The following SUGCT variants were observed in gnomAD, a reference collection of about 807,000 sequenced individuals.
SUGCT encodes the protein succinyl-CoA:glutarate CoA-transferase.
Under a neutral mutation model 55.0 loss-of-function variants are expected in SUGCT, and 41 were observed. The ratio of observed to expected loss-of-function variants is 0.74; its 90% CI spans 0.58 to 0.97. SUGCT has a LOEUF of 0.97. SUGCT is among the 50% of genes least tolerant of loss of function. The pLI is 0.00. For missense variants in SUGCT, 568 were observed against 547.8 expected (o/e 1.04, Z -0.37); for synonymous variants, 187 against 200.4 (o/e 0.93, Z 0.56).
At chr7:40,454,081 A>T (rs1230268325) in intron 10 of SUGCT, among the ~76,000 whole-genome samples, 1 of 152,178 alleles carries the variant, frequency 6.6e-6, no homozygotes, top group East Asian at 1.9e-4. Flanking sequence ...TTAAAGATAG[A>T]TCAATAGAAA....
chr7:40,652,344 A>G (rs1178081269), intron 12 of SUGCT, among the ~76,000 whole-genome samples: 2 of 152,198 alleles, frequency 1.3e-5, no homozygotes, highest in Admixed American at 6.5e-5. Flanking sequence ...TATCAACAGA[A>G]CAACTTACTC....
intron 9 of SUGCT, among the ~76,000 whole-genome samples, chr7:40,340,060 C>T (rs573304856): frequency 7.2e-4 from 110 of 152,162 alleles, no homozygotes; most frequent in Non-Finnish European, 1.3e-3. Context: ...ATTCCTGGAC[C>T]CTAGGTTAAG....
chr7:40,506,108 G>A (rs371748844), intron 12 of SUGCT, among the ~76,000 whole-genome samples: 4 of 152,048 alleles, frequency 2.6e-5, no homozygotes, highest in African/African-American at 9.7e-5. Context: ...TGTGTGCATG[G>A]ATTCAGTGTG....
At chr7:40,178,544 T>G (rs1460119423) in intron 1 of SUGCT, among the ~76,000 whole-genome samples, 1 of 152,032 alleles carries the variant, frequency 6.6e-6, no homozygotes, top group East Asian at 1.9e-4. Context: ...CCTCAGAATT[T>G]TAAGGGTTTT....
chr7:40,826,586 C>A (rs1211748156), intron 13 of SUGCT, among the ~76,000 whole-genome samples: 1 of 152,134 alleles, frequency 6.6e-6, no homozygotes, highest in African/African-American at 2.4e-5. Flanking sequence ...CAACCAAAGC[C>A]CAGGCTTGCC....
chr7:40,995,374 TA>T, the SUGCT span, among the ~76,000 whole-genome samples: 3,014 of 122,752 alleles, frequency 0.025, 94 homozygotes, highest in African/African-American at 0.088. Flanking sequence ...TGGTATCCTA[TA>T]ATAGCTGTTA....
chr7:40,584,521 A>C (rs951050009), intron 12 of SUGCT, among the ~76,000 whole-genome samples: 1 of 152,218 alleles, frequency 6.6e-6, no homozygotes, highest in Admixed American at 6.5e-5. Flanking sequence ...GGAAAAGACC[A>C]GATAATAGTT....
chr7:40,155,122 T>C (rs1783818024), intron 1 of SUGCT, among the ~76,000 whole-genome samples: 1 of 151,950 alleles, frequency 6.6e-6, no homozygotes, highest in Non-Finnish European at 1.5e-5. Flanking sequence ...CCGTCTCTAC[T>C]AAAAATAAAA....
intron 13 of SUGCT, among the ~76,000 whole-genome samples, chr7:40,761,083 G>A (rs1188765102): frequency 2.0e-5 from 3 of 152,112 alleles, no homozygotes; most frequent in South Asian, 2.1e-4. Flanking sequence ...TCATCCTTTC[G>A]TTTAACAAAT....
downstream of SUGCT, among the ~76,000 whole-genome samples, chr7:40,861,210 C>G (rs1358177719): frequency 2.0e-5 from 3 of 152,152 alleles, no homozygotes; most frequent in Admixed American, 6.5e-5. Flanking sequence ...CACTTGGTAC[C>G]TTATTTTGAG....
chr7:40,196,779 A>G (rs550348088), intron 6 of SUGCT, among the ~76,000 whole-genome samples: 1 of 152,186 alleles, frequency 6.6e-6, no homozygotes, highest in Non-Finnish European at 1.5e-5. Context: ...TGATTGTGTT[A>G]TTCTATTCCC....
the SUGCT span, among the ~76,000 whole-genome samples, chr7:41,035,045 C>T: frequency 6.6e-6 from 1 of 152,178 alleles, no homozygotes; most frequent in African/African-American, 2.4e-5. Flanking sequence ...TGGCCTTTGT[C>T]CCCAGCGGTG....
At chr7:40,831,697 G>A (rs1161529494) in intron 13 of SUGCT, among the ~76,000 whole-genome samples, 1 of 152,168 alleles carries the variant, frequency 6.6e-6, no homozygotes, top group Non-Finnish European at 1.5e-5. Flanking sequence ...ATAACCTTGA[G>A]TTCCGACTGT....
intron 7 of SUGCT, among the ~76,000 whole-genome samples, chr7:40,267,996 C>G (rs553788306): frequency 6.6e-6 from 1 of 152,166 alleles, no homozygotes; most frequent in South Asian, 2.1e-4. Flanking sequence ...AGAATTTTTA[C>G]TAAATACATG....
the SUGCT span, among the ~76,000 whole-genome samples, chr7:40,890,147 C>A: frequency 1.3e-5 from 2 of 148,910 alleles, no homozygotes; most frequent in African/African-American, 4.9e-5. Flanking sequence ...GAGAGGTAAG[C>A]CTAAGAGTGT....
chr7:40,172,206 A>T (rs941087269), intron 1 of SUGCT, among the ~76,000 whole-genome samples: 3 of 152,164 alleles, frequency 2.0e-5, no homozygotes, highest in African/African-American at 7.2e-5. Context: ...CTGGCCAAGG[A>T]GCCGAGGCTT....
chr7:40,954,303 G>A, the SUGCT span, among the ~76,000 whole-genome samples: 2 of 152,188 alleles, frequency 1.3e-5, no homozygotes, highest in Admixed American at 1.3e-4. Context: ...CATTGGAAAA[G>A]CACCATATTA....
rs1790100964 is a variant in SUGCT at position 40,466,194 on chromosome 7, AC to A, written c.986+6997del. On this transcript the variant is annotated intron_variant, in intron 11 of 13. Coordinates refer to ENST00000335693, the MANE Select transcript of SUGCT (RefSeq NM_001193313.2). ...AATGCTGGGATTATAGCTCTGAGTC[AC>A]TATGCCTGGCTTCTATAGCTTGAAG... Among the ~76,000 whole-genome samples the A allele has an allele frequency of 2.0e-5, 3 of 152,298 alleles. No individual in the cohort carries two copies. In the South Asian group the frequency reaches 6.2e-4, roughly 32 times the overall value.
At chr7:40,772,554 C>CTATCTATA (rs1789200524) in intron 13 of SUGCT, among the ~76,000 whole-genome samples, 2 of 138,076 alleles carry the variant, frequency 1.4e-5, no homozygotes, top group African/African-American at 5.4e-5. Flanking sequence ...ATCTATCTAT[C>CTATCTATA]TATCTATCTG....
Sources: gnomAD v4.1 joint callset for allele counts (sites outside exome capture counted in the v4.1 genomes callset) on GRCh38, gnomAD v4.1.1 for gene constraint, MANE v1.5 for transcripts, NCBI Gene and HGNC (gene_info 2026-07-23, HGNC 2026-07-21) for gene names.